The following PDIA5 variants were observed in gnomAD, a reference collection of about 807,000 sequenced individuals.
PDIA5 encodes protein disulfide isomerase family A member 5, also known as protein disulfide-isomerase A5.
In PDIA5, 58 loss-of-function variants were observed where a neutral mutation model predicts 77.6. The observed-to-expected ratio is 0.75, with a 90% CI of 0.61 to 0.93. The LOEUF is 0.93. Among genes scored for constraint, PDIA5 ranks in the 40% least tolerant of loss-of-function variants. The pLI is 0.00. For missense variants in PDIA5, 630 were observed against 647.7 expected (o/e 0.97, Z 0.30); for synonymous variants, 250 against 252.1 (o/e 0.99, Z 0.08).
intron 13 of PDIA5, among the ~76,000 whole-genome samples, chr3:123,146,601 G>A (rs1460468231): frequency 6.6e-6 from 1 of 152,184 alleles, no homozygotes; most frequent in African/African-American, 2.4e-5. Flanking sequence ...CATAGCCAGA[G>A]CTAGACTCAT....
chr3:123,091,629 T>C (rs1472822840), intron 2 of PDIA5, among the ~76,000 whole-genome samples: 1 of 152,168 alleles, frequency 6.6e-6, no homozygotes, highest in Non-Finnish European at 1.5e-5. Context: ...TCTGCACCAA[T>C]GAGAAAGTCT....
chr3:123,073,687 T>C (rs923604582), intron 1 of PDIA5, among the ~76,000 whole-genome samples: 2 of 152,252 alleles, frequency 1.3e-5, no homozygotes, highest in Non-Finnish European at 2.9e-5. Context: ...CCCAGTCTGA[T>C]GCACATTCCA....
intron 3 of PDIA5, among the ~76,000 whole-genome samples, chr3:123,101,906 C>CCTTTTTTTTTTTTTTTT (rs1553798314): frequency 1.4e-5 from 1 of 71,378 alleles, no homozygotes; most frequent in Admixed American, 2.6e-4. Flanking sequence ...TTCTTTCTTG[C>CCTTTTTTTTTTTTTTTT]TTTTTTTTTT....
rs1294138551 is a variant in PDIA5, at chr3:123,130,466, T to C, written c.774-14T>C. On this transcript the variant is annotated splice_polypyrimidine_tract_variant and intron_variant, in intron 10 of 16. Coordinates refer to ENST00000316218, the MANE Select transcript of PDIA5 (RefSeq NM_006810.4). ...AGGGCCTGCTCTGAGCTCTGCCTGT[T>C]TTTGGTCTTCCAGTCCGCAGCCGCC... 6.2e-7 allele frequency: 1 copy of C among 1,611,532 alleles called. No individual in the cohort carries two copies. Among genetic ancestry groups the C allele is most frequent in the Admixed American group, 1.7e-5 (1 of 59,772 alleles).
chr3:123,121,050 C>T (rs1215311632), intron 8 of PDIA5, among the ~76,000 whole-genome samples: 1 of 152,188 alleles, frequency 6.6e-6, no homozygotes, highest in African/African-American at 2.4e-5. Flanking sequence ...AATACAGTCC[C>T]GATTTCTTAG....
chr3:123,149,536 G>A (rs2107985624), intron 13 of PDIA5, among the ~76,000 whole-genome samples: 1 of 152,286 alleles, frequency 6.6e-6, no homozygotes, highest in East Asian at 1.9e-4. Flanking sequence ...ATCCATCCTT[G>A]CATGAGGCAG....
chr3:123,136,654 G>C (rs1935510657), intron 11 of PDIA5, among the ~76,000 whole-genome samples: 1 of 138,318 alleles, frequency 7.2e-6, no homozygotes, highest in Non-Finnish European at 1.5e-5. Context: ...CAAGAGAATT[G>C]CTTGAACCCG....
chr3:123,146,584 A>G (rs1053009066), intron 13 of PDIA5, among the ~76,000 whole-genome samples: 1 of 152,212 alleles, frequency 6.6e-6, no homozygotes, highest in African/African-American at 2.4e-5. Context: ...AAGGAGACAC[A>G]GCTCTTCATA....
At chr3:123,112,369 C>G (rs908603751) in intron 7 of PDIA5, among the ~76,000 whole-genome samples, 2 of 151,956 alleles carry the variant, frequency 1.3e-5, no homozygotes, top group African/African-American at 4.8e-5. Context: ...GAAAGCCCAT[C>G]TCGAATCCCA....
intron 3 of PDIA5, among the ~76,000 whole-genome samples, chr3:123,098,328 T>C (rs12490802): frequency 0.26 from 40,196 of 151,754 alleles, 5,592 homozygotes; most frequent in Admixed American, 0.35. Context: ...ACCCCCACCC[T>C]CCGACCCCGC....
At chr3:123,103,928 T>C (rs1298268729) in intron 5 of PDIA5, among the ~76,000 whole-genome samples, 1 of 152,152 alleles carries the variant, frequency 6.6e-6, no homozygotes, top group Admixed American at 6.5e-5. Context: ...GGCTGGAGTT[T>C]TGTTTTGTTA....
At chr3:123,148,583 G>T (rs573495658) in intron 13 of PDIA5, among the ~76,000 whole-genome samples, 32 of 146,912 alleles carry the variant, frequency 2.2e-4, no homozygotes, top group Non-Finnish European at 2.7e-4. Flanking sequence ...AAAAAAAAAA[G>T]GTTGAAGCTA....
intron 11 of PDIA5, among the ~76,000 whole-genome samples, chr3:123,133,140 C>T (rs527826674): frequency 6.6e-6 from 1 of 152,326 alleles, no homozygotes; most frequent in Admixed American, 6.5e-5. Flanking sequence ...GAGCAGAGAG[C>T]TCATAGCTGC....
chr3:123,113,761 A>T (rs1934925822), intron 7 of PDIA5, among the ~76,000 whole-genome samples: 1 of 152,172 alleles, frequency 6.6e-6, no homozygotes, highest in Non-Finnish European at 1.5e-5. Flanking sequence ...TGTTGGGTGA[A>T]TGGGCCCAAA....
chr3:123,140,435 A>G (rs1935600125), intron 11 of PDIA5, among the ~76,000 whole-genome samples: 1 of 152,226 alleles, frequency 6.6e-6, no homozygotes, highest in African/African-American at 2.4e-5. Context: ...ACAGTCACAA[A>G]GCAACACAAA....
At chr3:123,151,791 T>TCCTG (rs1560561727) in intron 14 of PDIA5, among the ~76,000 whole-genome samples, 1 of 96,432 alleles carries the variant, frequency 1.0e-5, no homozygotes, top group African/African-American at 4.1e-5. Flanking sequence ...TGGCCTGCCT[T>TCCTG]CCTGCCTGCC....
intron 11 of PDIA5, among the ~76,000 whole-genome samples, chr3:123,135,703 G>A (rs1935482689): frequency 6.9e-6 from 1 of 145,916 alleles, no homozygotes; most frequent in Admixed American, 6.9e-5. Context: ...AGGTGATTAA[G>A]GAAAGAAACT....
chr3:123,117,248 C>T (rs915302022), intron 8 of PDIA5, among the ~76,000 whole-genome samples: 2 of 151,482 alleles, frequency 1.3e-5, no homozygotes, highest in Non-Finnish European at 2.9e-5. Flanking sequence ...CACTGTTGTG[C>T]AACCTTTCTC....
At position 123,067,057 on chromosome 3, in the gene PDIA5, C is replaced by A. The variant is rs1489497280; in HGVS notation, c.-108C>A. The A allele has an allele frequency of 1.1e-6, 1 of 927,236 alleles. No individual in the cohort carries two copies. The highest frequency in any genetic ancestry group is 1.4e-6 in the Non-Finnish European group (1 of 709,130). The allele number at this position is 927,236 out of a possible 1,614,324, so 57.4% of individuals were successfully genotyped here. A position where few individuals can be genotyped will look rare whatever the true frequency, so the allele number is the denominator to read the frequency against. ...GCACCGGGAACTCGGAGGCGGGGAG[C>A]GGCTGGGAAGTGGCCGTGGTGGTTG... On this transcript the variant is annotated 5_prime_UTR_variant, in exon 1 of 17. Transcript: ENST00000316218.
Sources: gnomAD v4.1 joint callset for allele counts (sites outside exome capture counted in the v4.1 genomes callset) on GRCh38, gnomAD v4.1.1 for gene constraint, MANE v1.5 for transcripts, NCBI Gene and HGNC (gene_info 2026-07-23, HGNC 2026-07-21) for gene names.